STXBP4: variants seen among roughly 807,000 people sequenced by gnomAD.
STXBP4 encodes syntaxin binding protein 4, also known as syntaxin-binding protein 4.
STXBP4 carries 55 observed loss-of-function variants against 76.1 expected under a neutral mutation model. That is an observed-to-expected ratio of 0.72 (90% CI 0.58 to 0.91). STXBP4 has a LOEUF of 0.91. STXBP4 is among the 40% of genes least tolerant of loss of function. The pLI is 0.00. For synonymous variants in STXBP4, 201 were observed against 220.2 expected, an observed-to-expected ratio of 0.91 and a Z score of 0.77; for missense variants, 618 against 636.9, an observed-to-expected ratio of 0.97 and a Z score of 0.32.
rs117623186 is a variant in STXBP4 at position 55,074,142 on chromosome 17, A to C, written c.1188+1066A>C. ...AATCAGTTTCTAAGAGAACATAAAG[A>C]AAATCTGAATAATTTATGACTATTT... On this transcript the variant is annotated intron_variant, in intron 13 of 17. Transcript: ENST00000376352. Among the ~76,000 whole-genome samples the C allele has an allele frequency of 4.7e-3, 721 of 152,340 alleles. 19 individuals are homozygous for C. The South Asian group carries it at 0.058, about 12-fold the overall frequency.
chr17:55,048,145 A>C (rs2078814965), intron 12 of STXBP4, among the ~76,000 whole-genome samples: 1 of 151,964 alleles, frequency 6.6e-6, no homozygotes. Context: ...GCAGCCTTGA[A>C]GAATCATTGT....
chr17:55,053,205 A>G (rs1032789230), intron 12 of STXBP4, among the ~76,000 whole-genome samples: 1 of 151,974 alleles, frequency 6.6e-6, no homozygotes, highest in African/African-American at 2.4e-5. Flanking sequence ...TACTGTGGTT[A>G]TATAAAAGAA....
At chr17:55,106,023 T>C (rs2079630513) in intron 16 of STXBP4, among the ~76,000 whole-genome samples, 1 of 152,316 alleles carries the variant, frequency 6.6e-6, no homozygotes, top group African/African-American at 2.4e-5. Context: ...CTGAATTTTC[T>C]GTCTTATTGA....
intron 17 of STXBP4, among the ~76,000 whole-genome samples, chr17:55,143,305 A>C (rs1302898397): frequency 1.3e-5 from 2 of 152,218 alleles, no homozygotes; most frequent in Non-Finnish European, 2.9e-5. Context: ...GAAAATTAGC[A>C]TTCATTATTA....
the STXBP4 span, among the ~76,000 whole-genome samples, chr17:55,196,232 G>A: frequency 6.6e-6 from 1 of 151,896 alleles, no homozygotes; most frequent in Non-Finnish European, 1.5e-5. Context: ...TTTCTCCCCT[G>A]CAATGGCTCT....
At chr17:54,981,270 C>G (rs1374235288) in intron 1 of STXBP4, among the ~76,000 whole-genome samples, 1 of 150,992 alleles carries the variant, frequency 6.6e-6, no homozygotes, top group Admixed American at 6.6e-5. Flanking sequence ...AATAAACAAC[C>G]AAAAACAACC....
chr17:55,185,248 TCTCCTTCTCCTTCTC>T, the STXBP4 span, among the ~76,000 whole-genome samples: 106 of 43,666 alleles, frequency 2.4e-3, no homozygotes, highest in South Asian at 7.2e-3. Flanking sequence ...TTCTTCTTCT[TCTCCTTCTCCTTCTC>T]CTTCTCCTTC....
the STXBP4 span, among the ~76,000 whole-genome samples, chr17:55,204,951 AT>A: frequency 6.6e-6 from 1 of 152,130 alleles, no homozygotes; most frequent in Admixed American, 6.6e-5. Context: ...GAACTATTGA[AT>A]AACTACCAAA....
At chr17:55,131,764 C>A (rs986414662) in intron 16 of STXBP4, among the ~76,000 whole-genome samples, 2 of 152,148 alleles carry the variant, frequency 1.3e-5, no homozygotes, top group East Asian at 1.9e-4. Context: ...GTGCTCCCCC[C>A]ACCCACCCCT....
chr17:54,971,909 C>CA (rs1416829704), intron 1 of STXBP4, among the ~76,000 whole-genome samples: 6 of 152,092 alleles, frequency 3.9e-5, no homozygotes, highest in Non-Finnish European at 8.8e-5. Flanking sequence ...AGGCATGAGC[C>CA]ACCGCACCCA....
Position 55,090,395 on chromosome 17 carries a change from C to G in STXBP4, c.1489+9212C>G, listed in dbSNP as rs74508695. Among the ~76,000 whole-genome samples the G allele has an allele frequency of 5.3e-5, 8 of 152,174 alleles. No individual in the cohort carries two copies. In the East Asian group the frequency reaches 1.6e-3, roughly 30 times the overall value. On this transcript the variant is annotated intron_variant, in intron 16 of 17. Coordinates refer to ENST00000376352, the MANE Select transcript of STXBP4 (RefSeq NM_178509.6). The stretch of plus-strand genomic sequence containing the variant: ...TCACTCTGCGCAGCCACCTCTTGTT[C>G]TAAGTCACTTTTCACCCCACTCAGA...
chr17:55,081,070 C>G lies in STXBP4; in HGVS notation c.1376C>G (p.Ala459Gly), dbSNP rs975164561. 3.3e-6 allele frequency: 5 copies of G among 1,523,646 alleles called. No homozygotes were observed. The Admixed American group carries it at 7.2e-5, about 22-fold the overall frequency. 94.4% of individuals were successfully genotyped at this position (1,523,646 alleles called of 1,614,324 possible). A position where few individuals can be genotyped will look rare whatever the true frequency, so the allele number is the denominator to read the frequency against. The part of the protein sequence containing the change: ...SNLSERRAVL[A>G]SQTSLTPLGR... ...CATAGTGAAAGAAGAGCTGTGTTAG[C>G]TTCTCAGACTTCCCTCACACCACTG... Residue 459 changes from alanine (A) to glycine (G), a missense_variant, in exon 16 of 18, where the codon GCT (alanine) becomes GGT (glycine). Transcript: ENST00000376352.
At chr17:55,017,678 A>C (rs925825320) in intron 8 of STXBP4, among the ~76,000 whole-genome samples, 1 of 152,194 alleles carries the variant, frequency 6.6e-6, no homozygotes, top group Non-Finnish European at 1.5e-5. Flanking sequence ...CATGATCTCA[A>C]CTGGCTAAAG....
chr17:54,994,381 A>G (rs2077765042), intron 4 of STXBP4, among the ~76,000 whole-genome samples: 1 of 152,160 alleles, frequency 6.6e-6, no homozygotes, highest in Non-Finnish European at 1.5e-5. Context: ...ATCACACCAT[A>G]TTCTGCTCAA....
intron 16 of STXBP4, among the ~76,000 whole-genome samples, chr17:55,082,134 T>C (rs2079263463): frequency 6.6e-6 from 1 of 152,182 alleles, no homozygotes; most frequent in Non-Finnish European, 1.5e-5. Context: ...ATTATATATA[T>C]TTCAAAACAT....
chr17:55,211,796 G>GTTTTTTTT, the STXBP4 span, among the ~76,000 whole-genome samples: 12 of 34,994 alleles, frequency 3.4e-4, no homozygotes, highest in African/African-American at 8.4e-4. Flanking sequence ...CCTGTTTTTT[G>GTTTTTTTT]TTGTTTTTTT....
At chr17:55,002,403 T>G (rs1011722149) in intron 7 of STXBP4, among the ~76,000 whole-genome samples, 2 of 152,206 alleles carry the variant, frequency 1.3e-5, no homozygotes, top group African/African-American at 4.8e-5. Context: ...TGTGAGATAC[T>G]TAATAGTATA....
the STXBP4 span, among the ~76,000 whole-genome samples, chr17:55,185,326 T>TCTCCTTCTCCTCCTCCTCCTC: frequency 2.1e-3 from 155 of 74,496 alleles, 1 homozygote; most frequent in Middle Eastern, 8.9e-3. Context: ...TCCTTCTCCT[T>TCTCCTTCTCCTCCTCCTCCTC]CTCCTCCTCC....
intron 17 of STXBP4, among the ~76,000 whole-genome samples, chr17:55,153,792 T>C (rs933610846): frequency 2.6e-5 from 4 of 152,238 alleles, no homozygotes; most frequent in South Asian, 2.1e-4. Flanking sequence ...AGTGGTCTTA[T>C]GAACTTGTTT....
Sources: gnomAD v4.1 joint callset for allele counts (sites outside exome capture counted in the v4.1 genomes callset) on GRCh38, gnomAD v4.1.1 for gene constraint, MANE v1.5 for transcripts, NCBI Gene and HGNC (gene_info 2026-07-23, HGNC 2026-07-21) for gene names.